UTRN: variants seen among roughly 807,000 people sequenced by gnomAD.
The protein encoded by UTRN is utrophin, also known as dystrophin-related protein 1.
A neutral mutation model predicts 463.9 loss-of-function variants in UTRN; 283 were observed. That is an observed-to-expected ratio of 0.61 (90% CI 0.55 to 0.67). The LOEUF is 0.67. UTRN is among the 30% of genes least tolerant of loss of function. The probability of loss-of-function intolerance (pLI) is 0.00; values close to 1 mark genes in which losing one functional copy is unlikely to be tolerated. For missense variants in UTRN, 3,922 were observed against 4,084.3 expected (o/e 0.96, Z 1.08); for synonymous variants, 1,442 against 1,431.5 (o/e 1.01, Z -0.17).
chr6:144,437,535 C>G, intron 10 of UTRN, 30 bp from the exon 11 acceptor site: 1 of 1,550,442 alleles, frequency 6.4e-7, no homozygotes, highest in Non-Finnish European at 8.7e-7. Context: ...CACTGAGTAG[C>G]TCACAAATTA....
chr6:144,709,178 G>A (rs1314195253), intron 53 of UTRN, among the ~76,000 whole-genome samples: 1 of 152,098 alleles, frequency 6.6e-6, no homozygotes. Flanking sequence ...TTTAGTTCAT[G>A]TACCCATTTA....
intron 61 of UTRN, 42 bp from the exon 62 acceptor site, chr6:144,789,152 G>A (rs1412340112): frequency 6.7e-7 from 1 of 1,499,848 alleles, no homozygotes; most frequent in Non-Finnish European, 9.2e-7. Flanking sequence ...GCTGTATATG[G>A]TTTTAAATGC....
At chr6:144,338,850 T>C (rs1056113742) in intron 2 of UTRN, among the ~76,000 whole-genome samples, 1 of 152,198 alleles carries the variant, frequency 6.6e-6, no homozygotes, top group Non-Finnish European at 1.5e-5. Flanking sequence ...TATTTGTAGT[T>C]CATTTGGCAA....
intron 34 of UTRN, among the ~76,000 whole-genome samples, chr6:144,507,467 T>A (rs999304828): frequency 5.9e-5 from 9 of 152,162 alleles, no homozygotes; most frequent in Admixed American, 1.3e-4. Flanking sequence ...TCCTTCTTTT[T>A]GTTGATGTTA....
chr6:144,333,434 C>T (rs1292260470), intron 2 of UTRN: 2 of 152,112 alleles, frequency 1.3e-5, no homozygotes, highest in Admixed American at 6.5e-5. Context: ...AAGACATTTT[C>T]CATAACATAT....
intron 41 of UTRN, among the ~76,000 whole-genome samples, chr6:144,530,623 T>A (rs1325054784): frequency 6.6e-6 from 1 of 152,200 alleles, no homozygotes; most frequent in African/African-American, 2.4e-5. Flanking sequence ...AGTATTTAAA[T>A]GTTAAATGTA....
Position 144,607,847 on chromosome 6 carries a change from T to C in UTRN, c.7479+30559T>C, listed in dbSNP as rs764997804. Among the ~76,000 whole-genome samples the C allele has an allele frequency of 4.6e-5, 7 of 152,208 alleles. No individual in the cohort carries two copies. In the South Asian group the frequency reaches 1.0e-3, roughly 23 times the overall value. On this transcript the variant is annotated intron_variant, in intron 51 of 74. Transcript: ENST00000367545. ...AAGAACAAGGACTGATGAAATAACC[T>C]TGCTTTAGAGTGACCTTGTTTTGTT...
rs568753889 is a variant in UTRN at position 144,343,973 on chromosome 6, A to T, written c.79+52066A>T. The T allele has an allele frequency of 1.1e-5, 3 of 276,170 alleles. No homozygotes were observed. In the South Asian group the frequency reaches 1.2e-4, roughly 11 times the overall value. The allele number at this position is 276,170 out of a possible 1,614,324, so 17.1% of individuals were successfully genotyped here. A position where few individuals can be genotyped will look rare whatever the true frequency, so the allele number is the denominator to read the frequency against. ...GGCCCTTAGTTGTGACTATTAAAAA[A>T]ACAAAAAACCTGCCTAAGGAGTTTT... On this transcript the variant is annotated intron_variant, in intron 2 of 74. Transcript: ENST00000367545.
chr6:144,838,890 A>C (rs1178585755), intron 71 of UTRN, among the ~76,000 whole-genome samples: 2 of 152,178 alleles, frequency 1.3e-5, no homozygotes, highest in African/African-American at 4.8e-5. Context: ...TATGCTTATG[A>C]ATTCACTTAA....
At chr6:144,726,807 A>G (rs182705348) in intron 53 of UTRN, among the ~76,000 whole-genome samples, 1 of 152,062 alleles carries the variant, frequency 6.6e-6, no homozygotes, top group Non-Finnish European at 1.5e-5. Context: ...AGGCAGAGCA[A>G]ACAGACAGCC....
chr6:144,848,387 G>A (rs1782203368), intron 74 of UTRN, among the ~76,000 whole-genome samples: 1 of 152,094 alleles, frequency 6.6e-6, no homozygotes, highest in Non-Finnish European at 1.5e-5. Context: ...TTGAAGTTGG[G>A]GTTTGACAAA....
At chr6:144,792,531 G>A (rs1776851506) in intron 62 of UTRN, among the ~76,000 whole-genome samples, 2 of 151,386 alleles carry the variant, frequency 1.3e-5, no homozygotes. Flanking sequence ...TGGGCAACAA[G>A]AGCAACACTC....
At chr6:144,685,474 A>T (rs1251402202) in intron 52 of UTRN, among the ~76,000 whole-genome samples, 1 of 152,224 alleles carries the variant, frequency 6.6e-6, no homozygotes, top group South Asian at 2.1e-4. Context: ...ACTAATTTGC[A>T]TTCTCACCAG....
At chr6:144,650,808 C>T (rs1385554324) in intron 51 of UTRN, among the ~76,000 whole-genome samples, 1 of 152,122 alleles carries the variant, frequency 6.6e-6, no homozygotes, top group East Asian at 1.9e-4. Flanking sequence ...ACTCAGGAGG[C>T]TGAGACAGGA....
At position 144,286,510 on chromosome 6, in the gene UTRN, T is replaced by C. The variant is rs588629; in HGVS notation, c.-93+689T>C. Among the ~76,000 whole-genome samples, 33,186 of 150,810 alleles carry C rather than the reference T, an allele frequency of 0.22. 4,158 individuals are homozygous for C. The highest frequency in any genetic ancestry group is 0.42 in the South Asian group (2,026 of 4,772). ...AGGGGGGCGCCCCATTGGTGTGTAG[T>C]CCCGCGCAGTCGCCGGCTCTCCTTT... On this transcript the variant is annotated intron_variant, in intron 1 of 74. Coordinates refer to ENST00000367545, the MANE Select transcript of UTRN (RefSeq NM_007124.3). This position sits in a 1 kb window ranked among gnomAD's most constrained non-coding sequence, Gnocchi z 4.4.
At chr6:144,846,971 C>T (rs1782074464) in intron 74 of UTRN, 144 bp downstream of exon 74, 2 of 1,230,098 alleles carry the variant, frequency 1.6e-6, no homozygotes, top group Admixed American at 2.1e-5. Flanking sequence ...TGATTCTGTA[C>T]AACAGTTTGT....
intron 51 of UTRN, chr6:144,660,077 G>C (rs1429980163): frequency 2.6e-6 from 1 of 381,588 alleles, no homozygotes; most frequent in African/African-American, 2.1e-5. Flanking sequence ...CGCTGCTGCT[G>C]ATGGACCATA....
At position 144,677,550 on chromosome 6, in the gene UTRN, A is replaced by G. The variant is rs150909634; in HGVS notation, c.7480-856A>G. Among the ~76,000 whole-genome samples the G allele has an allele frequency of 6.2e-3, 940 of 152,224 alleles. 7 individuals carry two copies. The highest frequency in any genetic ancestry group is 0.022 in the African/African-American group (907 of 41,520). On this transcript the variant is annotated intron_variant, in intron 51 of 74. Coordinates refer to ENST00000367545, the MANE Select transcript of UTRN (RefSeq NM_007124.3). ...TTTGGGTTGGTTTCAAGTCTTTGTT[A>G]CTGTAAATAGTGCTGCAGTAAACAT...
chr6:144,790,696 A>G (rs536955601), intron 62 of UTRN, among the ~76,000 whole-genome samples: 1 of 152,368 alleles, frequency 6.6e-6, no homozygotes, highest in East Asian at 1.9e-4. Flanking sequence ...ATAATCATGA[A>G]AAGATATAAT....
Sources: allele counts gnomAD v4.1 joint callset (sites outside exome capture counted in the v4.1 genomes callset), GRCh38; gene constraint gnomAD v4.1.1; non-coding constraint Gnocchi (gnomAD v3.1); transcripts MANE v1.5; gene names NCBI Gene and HGNC (gene_info 2026-07-23, HGNC 2026-07-21).